The following MSH3 variants were observed in gnomAD, a reference collection of about 807,000 sequenced individuals.
MSH3 encodes mutS homolog 3.
In MSH3, 106 loss-of-function variants were observed where a neutral mutation model predicts 123.3. The observed-to-expected ratio is 0.86, with a 90% CI of 0.73 to 1.01. The LOEUF is 1.01. MSH3 is among the 50% of genes least tolerant of loss of function. The pLI, the probability that MSH3 is intolerant of heterozygous loss-of-function variation, is 0.00. For missense variants in MSH3, 1,459 were observed against 1,347.6 expected (o/e 1.08, Z -1.29); for synonymous variants, 515 against 481.4 (o/e 1.07, Z -0.91).
At chr5:80,823,933 C>G (rs1388195337) in intron 20 of MSH3, among the ~76,000 whole-genome samples, 1 of 152,152 alleles carries the variant, frequency 6.6e-6, no homozygotes, top group African/African-American at 2.4e-5. Flanking sequence ...ATCTGTTTAA[C>G]AAAGCACATC....
intron 8 of MSH3, among the ~76,000 whole-genome samples, chr5:80,707,269 T>G (rs899489727): frequency 2.6e-5 from 4 of 152,270 alleles, no homozygotes; most frequent in African/African-American, 9.6e-5. Flanking sequence ...AACATTTGTT[T>G]ATTTACTTGC....
chr5:80,776,194 CT>C (rs1744296109), intron 16 of MSH3, among the ~76,000 whole-genome samples: 2 of 152,096 alleles, frequency 1.3e-5, no homozygotes, highest in Non-Finnish European at 2.9e-5. Context: ...CCTGCCCTTT[CT>C]TATGGAACTT....
chr5:80,695,245 T>C (rs568238128), intron 8 of MSH3, among the ~76,000 whole-genome samples: 1 of 152,254 alleles, frequency 6.6e-6, no homozygotes, highest in South Asian at 2.1e-4. Flanking sequence ...TGTTCTGTTT[T>C]TCATTTCACT....
intron 22 of MSH3, among the ~76,000 whole-genome samples, chr5:80,866,822 A>G (rs758599865): frequency 3.9e-5 from 6 of 152,064 alleles, no homozygotes; most frequent in Non-Finnish European, 7.4e-5. Context: ...TTCTTTTACA[A>G]CGTTTTCTAT....
In MSH3 at chr5:80,670,190, T is replaced by A. The variant is rs1749673003; in HGVS notation, c.673T>A (p.Ser225Thr). 6.2e-7 allele frequency: 1 copy of A among 1,614,120 alleles called. No homozygotes were observed. Among genetic ancestry groups the A allele is most frequent in the Non-Finnish European group, 8.5e-7 (1 of 1,180,004 alleles). ...TGCTTCCAAATCAGCTAACAAACGG[T>A]CCAAAAGCATCTATACGCCGCTAGA... ...KTASKSANKR[S>T]KSIYTPLELQ... Residue 225 changes from serine to threonine, a missense_variant, in exon 4 of 24, where the codon TCC becomes ACC. Coordinates refer to ENST00000265081, the MANE Select transcript of MSH3 (RefSeq NM_002439.5).
At chr5:80,859,714 T>C (rs4704685) in intron 21 of MSH3, among the ~76,000 whole-genome samples, 18,145 of 146,036 alleles carry the variant, frequency 0.12, 1,366 homozygotes, top group East Asian at 0.35. Flanking sequence ...TTTTCTCTCT[T>C]TTTTTTTTTT....
intron 19 of MSH3, among the ~76,000 whole-genome samples, chr5:80,796,003 A>G (rs888788107): frequency 6.6e-6 from 1 of 151,872 alleles, no homozygotes; most frequent in Non-Finnish European, 1.5e-5. Context: ...AAAGAAGACT[A>G]TGTCAACATA....
At chr5:80,744,023 T>C (rs1185437328) in intron 11 of MSH3, among the ~76,000 whole-genome samples, 1 of 152,186 alleles carries the variant, frequency 6.6e-6, no homozygotes, top group Non-Finnish European at 1.5e-5. Context: ...AGCAAACTTT[T>C]CTAAGGATTT....
chr5:80,785,435 A>G (rs942390308), intron 17 of MSH3, among the ~76,000 whole-genome samples: 19 of 152,290 alleles, frequency 1.2e-4, no homozygotes, highest in African/African-American at 3.8e-4. Flanking sequence ...TAGAATGGCA[A>G]TCATTAAAAA....
intron 8 of MSH3, among the ~76,000 whole-genome samples, chr5:80,702,667 A>G (rs1220905071): frequency 1.3e-5 from 2 of 151,834 alleles, no homozygotes; most frequent in East Asian, 1.9e-4. Flanking sequence ...GGGAAAATAC[A>G]TTCCTCAATG....
intron 12 of MSH3, among the ~76,000 whole-genome samples, chr5:80,751,154 AACTTGT>A (rs1394718156): frequency 3.3e-5 from 5 of 152,176 alleles, no homozygotes; most frequent in African/African-American, 1.2e-4. Context: ...AACTCATACT[AACTTGT>A]TAGAGCATGT....
intron 20 of MSH3, among the ~76,000 whole-genome samples, chr5:80,836,129 C>T (rs924960258): frequency 7.2e-5 from 11 of 152,050 alleles, no homozygotes; most frequent in African/African-American, 1.7e-4. Context: ...ACAAGGATAT[C>T]GTAATCTATA....
At chr5:80,657,071 G>C (rs1749310046) in intron 2 of MSH3, among the ~76,000 whole-genome samples, 1 of 145,100 alleles carries the variant, frequency 6.9e-6, no homozygotes, top group East Asian at 1.9e-4. Flanking sequence ...TTCAGTATCA[G>C]GACCTGCAGA....
chr5:80,820,776 G>A (rs1018524184), intron 20 of MSH3, among the ~76,000 whole-genome samples: 6 of 152,180 alleles, frequency 3.9e-5, no homozygotes, highest in African/African-American at 1.4e-4. Context: ...GTATGTGGCA[G>A]GATAAATTAT....
intron 20 of MSH3, among the ~76,000 whole-genome samples, chr5:80,841,061 C>A (rs1438598048): frequency 6.6e-6 from 1 of 151,752 alleles, no homozygotes; most frequent in Non-Finnish European, 1.5e-5. Flanking sequence ...CCCACTCCCC[C>A]CACCCCACGA....
chr5:80,666,983 A>T (rs1749587572), intron 3 of MSH3, among the ~76,000 whole-genome samples: 1 of 152,036 alleles, frequency 6.6e-6, no homozygotes, highest in Non-Finnish European at 1.5e-5. Flanking sequence ...CATTTTTTTT[A>T]AAGTTGCTTA....
intron 20 of MSH3, among the ~76,000 whole-genome samples, chr5:80,846,654 C>T (rs770626217): frequency 7.9e-5 from 12 of 152,188 alleles, no homozygotes; most frequent in East Asian, 3.9e-4. Flanking sequence ...GCCACAACGT[C>T]GCAGGTTGAT....
intron 7 of MSH3, among the ~76,000 whole-genome samples, chr5:80,678,415 C>T (rs1749889313): frequency 6.6e-6 from 1 of 152,176 alleles, no homozygotes; most frequent in Non-Finnish European, 1.5e-5. Context: ...ATAAAGTATA[C>T]ATTTTATGTG....
intron 7 of MSH3, 134 bp downstream of exon 7, chr5:80,675,262 C>A (rs1443605833): frequency 3.8e-6 from 4 of 1,052,426 alleles, no homozygotes; most frequent in Non-Finnish European, 5.7e-6. Flanking sequence ...AAACATTTTT[C>A]TCACAATATT....
Sources: gnomAD v4.1 joint callset for allele counts (sites outside exome capture counted in the v4.1 genomes callset) on GRCh38, gnomAD v4.1.1 for gene constraint, MANE v1.5 for transcripts, NCBI Gene and HGNC (gene_info 2026-07-23, HGNC 2026-07-21) for gene names.